Variants in FCER2 observed in about 807,000 individuals in gnomAD.
FCER2 encodes Fc epsilon receptor II, also known as low affinity immunoglobulin epsilon Fc receptor.
FCER2 carries 38 observed loss-of-function variants against 49.7 expected under a neutral mutation model. The observed-to-expected ratio is 0.76, with a 90% CI of 0.59 to 1.00. FCER2 has a LOEUF of 1.00. Ranked by LOEUF, FCER2 falls within the 50% of genes least tolerant of loss-of-function variation. The pLI is 0.00. For synonymous variants in FCER2, 163 were observed against 164.6 expected (o/e 0.99, Z 0.07); for missense variants, 425 against 419.5 (o/e 1.01, Z -0.11).
rs1238131282 is a variant in FCER2 at position 7,697,610 on chromosome 19, A to G, written c.191-21T>C. ...AGAGACTGGAGCGGCGGGAGAGAAG[A>G]GATATCCCAGGAACCTCAAAGGCAG... On this transcript the variant is annotated intron_variant, in intron 4 of 10. Coordinates refer to ENST00000597921, the MANE Select transcript of FCER2 (RefSeq NM_001220500.2). 3 of 1,611,646 alleles carry G rather than the reference A, an allele frequency of 1.9e-6. No individual in the cohort carries two copies. In the African/African-American group the frequency reaches 4.0e-5, roughly 22 times the overall value.
At position 7,697,340 on chromosome 19, in the gene FCER2, T is replaced by C. The variant is rs764291342; in HGVS notation, c.254-42A>G. ...GGGCTTCATGGTAAGCAGGTCCTCA[T>C]TGTCTCCCCCATCTACCCCCACCCA... On this transcript the variant is annotated intron_variant, in intron 5 of 10. Coordinates refer to ENST00000597921, the MANE Select transcript of FCER2 (RefSeq NM_001220500.2). 14 of 1,600,802 alleles carry C rather than the reference T, an allele frequency of 8.7e-6. No homozygotes were observed. In the East Asian group the frequency reaches 1.6e-4, roughly 18 times the overall value.
At chr19:7,695,920 C>CTTT (rs60387474) in intron 8 of FCER2, among the ~76,000 whole-genome samples, 79 of 80,692 alleles carry the variant, frequency 9.8e-4, no homozygotes, top group East Asian at 1.5e-3. Flanking sequence ...CCATCTCTCT[C>CTTT]TTTTTTTTTT....
intron 8 of FCER2, among the ~76,000 whole-genome samples, chr19:7,695,918 C>CTT (rs2032997865): frequency 8.1e-6 from 1 of 124,108 alleles, no homozygotes. Context: ...CTCCATCTCT[C>CTT]TCTTTTTTTT....
chr19:7,698,431 G>A (rs1365168743), intron 3 of FCER2, 22 bp from the exon 4 acceptor site: 2 of 1,589,130 alleles, frequency 1.3e-6, no homozygotes, highest in Admixed American at 1.7e-5. Flanking sequence ...GAGAGAAGAG[G>A]AGTGGAGAGG....
At chr19:7,696,976 T>A in intron 7 of FCER2, 37 bp downstream of exon 7, 1 of 1,562,312 alleles carries the variant, frequency 6.4e-7, no homozygotes, top group Non-Finnish European at 8.7e-7. Context: ...CCTTGTCCGT[T>A]CCCTCCCCCA....
intron 8 of FCER2, among the ~76,000 whole-genome samples, chr19:7,694,096 A>T (rs1297416495): frequency 6.6e-6 from 1 of 152,016 alleles, no homozygotes; most frequent in Non-Finnish European, 1.5e-5. Context: ...CCACCCTCAC[A>T]TGGTCAGATT....
chr19:7,699,812 G>A lies in FCER2; in HGVS notation c.-52C>T, dbSNP rs149217740. 1.7e-3 allele frequency: 2,626 copies of A among 1,576,248 alleles called. 1 individual carries two copies. Among genetic ancestry groups the A allele is most frequent in the Non-Finnish European group, 2.1e-3 (2,373 of 1,146,188 alleles). On this transcript the variant is annotated 5_prime_UTR_variant, in exon 2 of 11. Transcript: ENST00000597921. The stretch of plus-strand genomic sequence containing the variant: ...GATGGAGCACTCACTCCCTGACAAC[G>A]CAGTCCACTCAGCGGGCACAATCAC...
At position 7,700,904 on chromosome 19, in the gene FCER2, G is replaced by A. The variant is rs1271760561; in HGVS notation, c.-85-1059C>T. 1.3e-4 allele frequency among the ~76,000 whole-genome samples: 20 copies of A among 151,976 alleles called. 1 individual carries two copies. The highest frequency in any genetic ancestry group is 2.6e-4 in the Admixed American group (4 of 15,256). ...TGGCTCACTGCAACCTCCACCTCCC[G>A]GGTTCAAGCGATTCTCCTGTCTTAG... On this transcript the variant is annotated intron_variant, in intron 1 of 10. Coordinates refer to ENST00000597921, the MANE Select transcript of FCER2 (RefSeq NM_001220500.2).
chr19:7,698,642 A>T, intron 3 of FCER2, 99 bp downstream of exon 3: 1 of 1,507,598 alleles, frequency 6.6e-7, no homozygotes, highest in Non-Finnish European at 8.9e-7. Flanking sequence ...TTTTGAGAGG[A>T]TGCGTTGGGC....
intron 6 of FCER2, 56 bp downstream of exon 6, chr19:7,697,180 G>C (rs2033038103): frequency 6.2e-7 from 1 of 1,608,210 alleles, no homozygotes; most frequent in Admixed American, 1.7e-5. Context: ...AGGGCTCTGA[G>C]ACACTCCCTC....
intron 8 of FCER2, among the ~76,000 whole-genome samples, chr19:7,694,669 C>T (rs973256240): frequency 6.6e-6 from 1 of 152,174 alleles, no homozygotes; most frequent in African/African-American, 2.4e-5. Context: ...AAAGCCACTT[C>T]ACATCCCAGG....
rs113144533 is a variant in FCER2 at position 7,699,339 on chromosome 19, G to T, written c.22+400C>A. ...CCAGACCCCACCCAAAGGTCTATCT[G>T]GATGTCCCACCTCAAGCCCCTGGCC... On this transcript the variant is annotated intron_variant, in intron 2 of 10. Transcript: ENST00000597921. 40 of 1,215,058 alleles carry T rather than the reference G, an allele frequency of 3.3e-5. 2 individuals carry two copies. In the African/African-American group the frequency reaches 4.3e-4, roughly 13 times the overall value. The allele number at this position is 1,215,058 out of a possible 1,614,324, so 75.3% of individuals were successfully genotyped here. A position where few individuals can be genotyped will look rare whatever the true frequency, so the allele number is the denominator to read the frequency against.
chr19:7,689,764 C>T (rs1017263842), intron 10 of FCER2, among the ~76,000 whole-genome samples: 3 of 152,120 alleles, frequency 2.0e-5, no homozygotes, highest in Admixed American at 6.6e-5. Flanking sequence ...GGATTACAGG[C>T]GCCCGCCATC....
At position 7,694,287 on chromosome 19, in the gene FCER2, C is replaced by T. The variant is rs557501663; in HGVS notation, c.469+2538G>A. Among the ~76,000 whole-genome samples, 3 of 152,130 alleles carry T rather than the reference C, an allele frequency of 2.0e-5. No individual in the cohort carries two copies. In the South Asian group the frequency reaches 6.2e-4, roughly 32 times the overall value. ...GGCCAAGATGAGAGGATCACTTGAC[C>T]CCAGGAGTTTGAGGCCGTAGTGAGC... is the stretch of plus-strand genomic sequence containing the variant. On this transcript the variant is annotated intron_variant, in intron 8 of 10. Coordinates refer to ENST00000597921, the MANE Select transcript of FCER2 (RefSeq NM_001220500.2).
intron 8 of FCER2, among the ~76,000 whole-genome samples, chr19:7,695,251 C>G (rs1450517439): frequency 6.6e-6 from 1 of 152,168 alleles, no homozygotes; most frequent in African/African-American, 2.4e-5. Context: ...GCCACCATCT[C>G]CATTGTCCCA....
chr19:7,694,911 C>T (rs879798906), intron 8 of FCER2, among the ~76,000 whole-genome samples: 2 of 152,042 alleles, frequency 1.3e-5, no homozygotes, highest in Non-Finnish European at 2.9e-5. Flanking sequence ...CCTAGCTCAC[C>T]GCAGCCTCAA....
chr19:7,701,860 G>A (rs1044750050), intron 1 of FCER2, among the ~76,000 whole-genome samples, 155 bp downstream of exon 1: 2 of 150,690 alleles, frequency 1.3e-5, no homozygotes, highest in African/African-American at 2.4e-5. Flanking sequence ...TCCACACTGC[G>A]GCCCCCACCC....
At position 7,688,893 on chromosome 19, in the gene FCER2, T is replaced by A. The variant is rs2032774606; in HGVS notation, c.*300A>T. 2.6e-6 allele frequency: 1 copy of A among 379,612 alleles called. No homozygotes were observed. The highest frequency in any genetic ancestry group is 2.1e-5 in the African/African-American group (1 of 48,322). The allele number at this position is 379,612 out of a possible 1,614,324, so 23.5% of individuals were successfully genotyped here. On this transcript the variant is annotated 3_prime_UTR_variant, in exon 11 of 11. Coordinates refer to ENST00000597921, the MANE Select transcript of FCER2 (RefSeq NM_001220500.2). ...GAGATGGGGCTGCATCTGGAGAGGG[T>A]GCTGTTGGGGTGTACTCTCATCTGG...
At position 7,699,784 on chromosome 19, in the gene FCER2, G is replaced by A. The variant is rs371068137; in HGVS notation, c.-24C>T. 98 of 1,612,356 alleles carry A rather than the reference G, an allele frequency of 6.1e-5. No homozygotes were observed. Among genetic ancestry groups the A allele is most frequent in the Admixed American group, 2.8e-4 (17 of 59,972 alleles). ...ATGGCGGTCCTGCTTGGATTCTCCCGATGATGGAGCACTCACTCCCTGACA... is the reference window on the plus strand; with the variant it reads ...ATGGCGGTCCTGCTTGGATTCTCCCAATGATGGAGCACTCACTCCCTGACA... On this transcript the variant is annotated 5_prime_UTR_variant, in exon 2 of 11. Transcript: ENST00000597921.
Sources: allele counts gnomAD v4.1 joint callset (sites outside exome capture counted in the v4.1 genomes callset), GRCh38; gene constraint gnomAD v4.1.1; transcripts MANE v1.5; gene names NCBI Gene and HGNC (gene_info 2026-07-23, HGNC 2026-07-21).